The following PRKG1 variants were observed in gnomAD, a reference collection of about 807,000 sequenced individuals.
PRKG1 encodes protein kinase cGMP-dependent 1, also known as cGMP-dependent protein kinase 1.
PRKG1 carries 35 observed loss-of-function variants against 88.1 expected under a neutral mutation model. That is an observed-to-expected ratio of 0.40 (90% CI 0.30 to 0.53). The LOEUF (loss-of-function observed/expected upper bound fraction) is 0.53. Among genes scored for constraint, PRKG1 ranks in the 20% least tolerant of loss-of-function variants. PRKG1 has a pLI of 0.59. For missense variants in PRKG1, 540 were observed against 839.8 expected, an observed-to-expected ratio of 0.64 and a Z score of 4.41; for synonymous variants, 303 against 292.5, an observed-to-expected ratio of 1.04 and a Z score of -0.37.
At position 51,053,979 on chromosome 10, in the gene PRKG1, T is replaced by C. The variant is rs760499994; in HGVS notation, c.266+62335T>C. On this transcript the variant is annotated intron_variant, in intron 1 of 17. Transcript: ENST00000401604. ...TTTTCAAAGCTAAGTACAGTAAAAA[T>C]GATGTAACTAAATATAAACACTTTT... Among the ~76,000 whole-genome samples, 6 of 152,244 alleles carry C rather than the reference T, an allele frequency of 3.9e-5. No individual in the cohort carries two copies. In the East Asian group the frequency reaches 9.6e-4, roughly 24 times the overall value.
chr10:51,597,922 T>C (rs1161051087), intron 3 of PRKG1, among the ~76,000 whole-genome samples: 1 of 152,180 alleles, frequency 6.6e-6, no homozygotes, highest in East Asian at 1.9e-4. Flanking sequence ...TATTTAAATA[T>C]AAGTTAGAGA....
intron 5 of PRKG1, among the ~76,000 whole-genome samples, chr10:51,957,901 TTTATC>T: frequency 6.6e-6 from 1 of 152,292 alleles, no homozygotes; most frequent in Non-Finnish European, 1.5e-5. Context: ...CAAAGGCTTA[TTTATC>T]TTGACACTTT....
chr10:52,036,596 T>C (rs1438452195), intron 5 of PRKG1, among the ~76,000 whole-genome samples: 1 of 151,320 alleles, frequency 6.6e-6, no homozygotes, highest in African/African-American at 2.4e-5. Context: ...AGTAGAGGTA[T>C]CTTATACTTG....
intron 5 of PRKG1, among the ~76,000 whole-genome samples, chr10:52,036,970 C>G (rs572081128): frequency 3.3e-5 from 5 of 152,250 alleles, no homozygotes; most frequent in Non-Finnish European, 5.9e-5. Flanking sequence ...TGAGAGTTAC[C>G]GGAAGCTCGG....
chr10:51,140,118 A>G (rs780973489), intron 1 of PRKG1, among the ~76,000 whole-genome samples: 3 of 152,148 alleles, frequency 2.0e-5, no homozygotes, highest in Admixed American at 6.5e-5. Context: ...GGGGTGGCTC[A>G]CTGATCCTTG....
chr10:51,310,076 G>A (rs1000571227), intron 2 of PRKG1, among the ~76,000 whole-genome samples: 9 of 152,108 alleles, frequency 5.9e-5, no homozygotes, highest in African/African-American at 1.7e-4. Context: ...AGAATAATAG[G>A]CATTGGAGAC....
intron 3 of PRKG1, among the ~76,000 whole-genome samples, chr10:51,675,186 T>G (rs1840679306): frequency 6.6e-6 from 1 of 152,192 alleles, no homozygotes; most frequent in Non-Finnish European, 1.5e-5. Context: ...ATATGAAATA[T>G]AACACTGACC....
chr10:51,839,538 T>G (rs1441025164), intron 4 of PRKG1, among the ~76,000 whole-genome samples: 2 of 152,194 alleles, frequency 1.3e-5, no homozygotes, highest in African/African-American at 2.4e-5. Flanking sequence ...TGGGTAATAT[T>G]TTTGAAAGAC....
At chr10:52,157,288 ATT>A (rs1398687732) in intron 8 of PRKG1, among the ~76,000 whole-genome samples, 2 of 138,010 alleles carry the variant, frequency 1.4e-5, no homozygotes, top group African/African-American at 5.3e-5. Context: ...ACATATATAT[ATT>A]GTGTGTGAGT....
At chr10:51,153,480 A>G (rs1057376527) in intron 2 of PRKG1, 150 bp downstream of exon 2, 35 of 698,460 alleles carry the variant, frequency 5.0e-5, no homozygotes, top group Non-Finnish European at 7.1e-5. Flanking sequence ...CACTACTTAG[A>G]TAAAGTGGTT....
chr10:51,561,084 A>T (rs1171900985), intron 3 of PRKG1, among the ~76,000 whole-genome samples: 1 of 151,984 alleles, frequency 6.6e-6, no homozygotes, highest in East Asian at 1.9e-4. Flanking sequence ...CTGTATCTAA[A>T]AAAAAGAAGA....
At chr10:51,614,295 T>C (rs1001306542) in intron 3 of PRKG1, among the ~76,000 whole-genome samples, 1 of 151,990 alleles carries the variant, frequency 6.6e-6, no homozygotes, top group Non-Finnish European at 1.5e-5. Flanking sequence ...TTACCTGATA[T>C]AAGCAGAGCT....
intron 8 of PRKG1, among the ~76,000 whole-genome samples, chr10:52,160,723 A>T (rs779870568): frequency 2.0e-5 from 3 of 152,076 alleles, no homozygotes; most frequent in Admixed American, 2.0e-4. Context: ...CTGACCATGC[A>T]TAACTTATTG....
At chr10:51,102,332 T>C (rs888157696) in intron 1 of PRKG1, among the ~76,000 whole-genome samples, 1 of 152,150 alleles carries the variant, frequency 6.6e-6, no homozygotes, top group Admixed American at 6.6e-5. Context: ...TCTTGTGAGC[T>C]GGAGGACAAA....
At chr10:51,824,153 C>T (rs576421014) in intron 4 of PRKG1, among the ~76,000 whole-genome samples, 10 of 152,096 alleles carry the variant, frequency 6.6e-5, no homozygotes, top group South Asian at 2.1e-4. Flanking sequence ...GGACTATAGG[C>T]GAGGGCCACC....
intron 7 of PRKG1, among the ~76,000 whole-genome samples, chr10:52,106,861 A>G (rs1417724293): frequency 6.6e-6 from 1 of 152,114 alleles, no homozygotes; most frequent in African/African-American, 2.4e-5. Flanking sequence ...TATTATAGTG[A>G]TATTTCTCAT....
At chr10:51,196,261 G>A (rs868691035) in intron 2 of PRKG1, among the ~76,000 whole-genome samples, 2 of 152,208 alleles carry the variant, frequency 1.3e-5, no homozygotes, top group African/African-American at 4.8e-5. Context: ...ATATGTGTAT[G>A]TATGTGTGGG....
intron 7 of PRKG1, among the ~76,000 whole-genome samples, chr10:52,111,884 C>T (rs184545514): frequency 2.6e-5 from 4 of 152,138 alleles, no homozygotes; most frequent in African/African-American, 9.7e-5. Flanking sequence ...TTCTTCTTCT[C>T]GCATACTACT....
intron 2 of PRKG1, among the ~76,000 whole-genome samples, chr10:51,420,457 A>G (rs925893651): frequency 2.6e-5 from 4 of 152,106 alleles, no homozygotes; most frequent in Non-Finnish European, 5.9e-5. Context: ...AGGCTTAATC[A>G]TGGTTGCACC....
Sources: gnomAD v4.1 joint callset for allele counts (sites outside exome capture counted in the v4.1 genomes callset) on GRCh38, gnomAD v4.1.1 for gene constraint, MANE v1.5 for transcripts, NCBI Gene and HGNC (gene_info 2026-07-23, HGNC 2026-07-21) for gene names.